Variants in ADAMTS12 observed in about 807,000 individuals in gnomAD.
ADAMTS12 encodes ADAM metallopeptidase with thrombospondin type 1 motif 12.
Under a neutral mutation model 167.8 loss-of-function variants are expected in ADAMTS12, and 118 were observed. That is an observed-to-expected ratio of 0.70 (90% CI 0.61 to 0.82). ADAMTS12 has a LOEUF of 0.82. ADAMTS12 is among the 40% of genes least tolerant of loss of function. The probability of loss-of-function intolerance (pLI) is 0.00; values close to 1 mark genes in which losing one functional copy is unlikely to be tolerated. For missense variants in ADAMTS12, 1,916 were observed against 1,998.8 expected (o/e 0.96, Z 0.79); for synonymous variants, 704 against 716.9 (o/e 0.98, Z 0.29).
chr5:33,751,631 T>C (rs374456546), intron 2 of ADAMTS12, 83 bp from the exon 3 acceptor site: 2 of 1,365,676 alleles, frequency 1.5e-6, no homozygotes, highest in African/African-American at 2.9e-5. Flanking sequence ...ATATAGCTTA[T>C]GAGTATCTCT....
intron 7 of ADAMTS12, among the ~76,000 whole-genome samples, chr5:33,655,092 C>T (rs1201148945): frequency 6.6e-6 from 1 of 152,072 alleles, no homozygotes; most frequent in East Asian, 1.9e-4. Context: ...TTTCATCATA[C>T]TTAGTAGACG....
chr5:33,594,731 C>A (rs1016020909), intron 17 of ADAMTS12, among the ~76,000 whole-genome samples: 1 of 152,162 alleles, frequency 6.6e-6, no homozygotes, highest in African/African-American at 2.4e-5. Flanking sequence ...CAGCTCCTAC[C>A]TAGAAAAAGC....
rs187198438 is a variant in ADAMTS12 at position 33,887,515 on chromosome 5, G to C, written c.127+4215C>G. Among the ~76,000 whole-genome samples, 1,030 of 152,152 alleles carry C rather than the reference G, an allele frequency of 6.8e-3. 9 individuals carry two copies. Among genetic ancestry groups the C allele is most frequent in the African/African-American group, 0.023 (944 of 41,504 alleles). On this transcript the variant is annotated intron_variant, in intron 1 of 23. Transcript: ENST00000504830. ...AAAATTACATCACAGTTTATACAAG[G>C]GTTTGTAGAAATATTATAAGCTCCA...
At chr5:33,607,173 A>T (rs988839790) in intron 16 of ADAMTS12, among the ~76,000 whole-genome samples, 1 of 152,074 alleles carries the variant, frequency 6.6e-6, no homozygotes, top group East Asian at 1.9e-4. Flanking sequence ...CATATCTCTT[A>T]TTGTCTATTG....
intron 5 of ADAMTS12, among the ~76,000 whole-genome samples, chr5:33,675,146 A>G (rs927510052): frequency 6.6e-6 from 1 of 152,172 alleles, no homozygotes; most frequent in Admixed American, 6.5e-5. Flanking sequence ...TCTGTTCTTT[A>G]TAAGTGACCT....
intron 3 of ADAMTS12, among the ~76,000 whole-genome samples, chr5:33,741,868 C>G (rs1207391938): frequency 6.6e-6 from 1 of 152,138 alleles, no homozygotes; most frequent in Non-Finnish European, 1.5e-5. Flanking sequence ...CCTTGTGATC[C>G]ACCTGCCTCA....
At chr5:33,666,414 T>C (rs1420978601) in intron 5 of ADAMTS12, among the ~76,000 whole-genome samples, 1 of 152,258 alleles carries the variant, frequency 6.6e-6, no homozygotes, top group East Asian at 1.9e-4. Context: ...GTGTTTATCA[T>C]AGATAAGGAA....
intron 3 of ADAMTS12, among the ~76,000 whole-genome samples, chr5:33,739,957 G>A (rs1161598738): frequency 6.6e-6 from 1 of 152,212 alleles, no homozygotes; most frequent in East Asian, 1.9e-4. Context: ...AACCACATTG[G>A]TGTGAATAAA....
chr5:33,575,162 T>A (rs1275508888), intron 19 of ADAMTS12, among the ~76,000 whole-genome samples: 2 of 152,276 alleles, frequency 1.3e-5, no homozygotes, highest in East Asian at 1.9e-4. Context: ...CCAAAATGAA[T>A]TTTTTAAATG....
chr5:33,774,732 T>C (rs1414778366), intron 2 of ADAMTS12, among the ~76,000 whole-genome samples: 1 of 152,220 alleles, frequency 6.6e-6, no homozygotes, highest in Admixed American at 6.5e-5. Context: ...CATTAACCCA[T>C]TTTGTATCTG....
intron 9 of ADAMTS12, among the ~76,000 whole-genome samples, chr5:33,647,444 AT>A (rs201217854): frequency 0.055 from 8,444 of 152,204 alleles, 303 homozygotes; most frequent in Non-Finnish European, 0.085. Context: ...TTTTAGAAAT[AT>A]TTAGGCTGGG....
chr5:33,839,030 G>A (rs1243501777), intron 2 of ADAMTS12, among the ~76,000 whole-genome samples: 1 of 152,100 alleles, frequency 6.6e-6, no homozygotes, highest in Non-Finnish European at 1.5e-5. Context: ...TCCTTTGATC[G>A]CAGTTCCCTC....
intron 21 of ADAMTS12, 56 bp from the exon 22 acceptor site, chr5:33,546,258 A>G: frequency 7.9e-6 from 12 of 1,528,410 alleles, no homozygotes; most frequent in South Asian, 6.4e-5. Context: ...ATGTTTAATG[A>G]TAAGTGAAGA....
intron 2 of ADAMTS12, among the ~76,000 whole-genome samples, chr5:33,778,760 G>A (rs1746008487): frequency 6.6e-6 from 1 of 152,096 alleles, no homozygotes; most frequent in South Asian, 2.1e-4. Flanking sequence ...GAAAATATTT[G>A]CAAATCAGAT....
At chr5:33,737,829 T>C (rs1744423036) in intron 3 of ADAMTS12, among the ~76,000 whole-genome samples, 1 of 152,186 alleles carries the variant, frequency 6.6e-6, no homozygotes, top group African/African-American at 2.4e-5. Context: ...GCTGTGGAAT[T>C]TCGAATTGCA....
chr5:33,764,652 G>A (rs1269089184), intron 2 of ADAMTS12, among the ~76,000 whole-genome samples: 1 of 152,142 alleles, frequency 6.6e-6, no homozygotes, highest in Admixed American at 6.5e-5. Context: ...CAAAACTTCA[G>A]TCTAACTTAC....
intron 16 of ADAMTS12, among the ~76,000 whole-genome samples, chr5:33,599,001 T>C (rs1445978264): frequency 2.6e-5 from 4 of 152,196 alleles, no homozygotes; most frequent in Non-Finnish European, 5.9e-5. Context: ...AAAGGCCACA[T>C]GTAGGTCAAC....
At chr5:33,551,438 A>C (rs1382868579) in intron 20 of ADAMTS12, among the ~76,000 whole-genome samples, 2 of 152,230 alleles carry the variant, frequency 1.3e-5, no homozygotes, top group Non-Finnish European at 2.9e-5. Flanking sequence ...ACAAAGAAAA[A>C]CAGTAACAGC....
chr5:33,592,795 A>G (rs1747711176), intron 17 of ADAMTS12, among the ~76,000 whole-genome samples: 1 of 152,216 alleles, frequency 6.6e-6, no homozygotes. Flanking sequence ...AATAAATAAG[A>G]TTAAACCTTG....
Sources: gnomAD v4.1 joint callset for allele counts (sites outside exome capture counted in the v4.1 genomes callset) on GRCh38, gnomAD v4.1.1 for gene constraint, MANE v1.5 for transcripts, NCBI Gene and HGNC (gene_info 2026-07-23, HGNC 2026-07-21) for gene names.